Variants in TJP3 observed in about 807,000 individuals in gnomAD.
TJP3 encodes tight junction protein ZO-3.
In TJP3, 85 loss-of-function variants were observed where a neutral mutation model predicts 104.2. That is an observed-to-expected ratio of 0.82 (90% CI 0.68 to 0.98). The LOEUF is 0.98. Ranked by LOEUF, TJP3 falls within the 50% of genes least tolerant of loss-of-function variation. TJP3 has a pLI of 0.00. For missense variants in TJP3, 1,367 were observed against 1,322.8 expected (o/e 1.03, Z -0.52); for synonymous variants, 550 against 550.6 (o/e 1.00, Z 0.02).
chr19:3,744,810 C>G (rs2036865318), intron 15 of TJP3, among the ~76,000 whole-genome samples: 1 of 151,948 alleles, frequency 6.6e-6, no homozygotes, highest in African/African-American at 2.4e-5. Flanking sequence ...TGCCTGTAAT[C>G]CCAGCTACTC....
intron 8 of TJP3, 152 bp from the exon 9 acceptor site, chr19:3,735,414 G>T (rs1161879672): frequency 1.4e-6 from 1 of 738,142 alleles, no homozygotes; most frequent in Admixed American, 2.1e-5. Context: ...GGCCAGGCTG[G>T]TCTTGAAATC....
rs561560715 is a variant in TJP3, at chr19:3,717,102, A to G, written c.-10+8541A>G. 4.1e-5 allele frequency among the ~76,000 whole-genome samples: 6 copies of G among 145,616 alleles called. No homozygotes were observed. The East Asian group carries it at 1.2e-3, about 29-fold the overall frequency. On this transcript the variant is annotated intron_variant, in intron 1 of 20. Transcript: ENST00000541714. ...TGCCTCAGCCTCTCTAGTAGCTGGG[A>G]TTACAGGCATGTGCCACCACACCCA...
Position 3,728,657 on chromosome 19 carries a change from T to C in TJP3, c.102T>C (p.Gly34=). Residue 34 remains glycine, a synonymous_variant, in exon 3 of 21, where the codon GGT becomes GGC. Coordinates refer to ENST00000541714, the MANE Select transcript of TJP3 (RefSeq NM_001267560.2). ...TCTCTGGAGGCCGAGACCGGCCCGG[T>C]GGATCCATGGTTGTATCTGACGTGG... ...IAISGGRDRP[G]GSMVVSDVVP... is the part of the protein sequence containing the mutation. 1.2e-6 allele frequency: 2 copies of C among 1,613,702 alleles called. No homozygotes were observed. The highest frequency in any genetic ancestry group is 1.7e-6 in the Non-Finnish European group (2 of 1,179,972).
At chr19:3,716,937 T>C (rs1459552645) in intron 1 of TJP3, among the ~76,000 whole-genome samples, 3 of 142,008 alleles carry the variant, frequency 2.1e-5, no homozygotes, top group Non-Finnish European at 4.7e-5. Flanking sequence ...TACCTGGGAT[T>C]ACAGGCGGGT....
chr19:3,729,125 C>T (rs542359091), intron 3 of TJP3, among the ~76,000 whole-genome samples: 7 of 152,114 alleles, frequency 4.6e-5, no homozygotes, highest in African/African-American at 1.2e-4. Context: ...ACACAGGGCT[C>T]GGACTTGGCA....
chr19:3,724,825 C>T (rs1404166698), intron 1 of TJP3, among the ~76,000 whole-genome samples: 1 of 152,082 alleles, frequency 6.6e-6, no homozygotes, highest in Non-Finnish European at 1.5e-5. Context: ...AGGCAGAATC[C>T]ACCGTGCCCG....
At chr19:3,738,117 C>A (rs1209978287) in intron 11 of TJP3, among the ~76,000 whole-genome samples, 1 of 152,180 alleles carries the variant, frequency 6.6e-6, no homozygotes, top group African/African-American at 2.4e-5. Flanking sequence ...TGTCATGACC[C>A]TGGTGGTAGG....
Position 3,730,726 on chromosome 19 carries a change from C to A in TJP3, c.613+20C>A. 2 of 1,598,272 alleles carry A rather than the reference C, an allele frequency of 1.3e-6. No individual in the cohort carries two copies. Among genetic ancestry groups the A allele is most frequent in the Non-Finnish European group, 1.7e-6 (2 of 1,178,322 alleles). ...GCGAAGGTCAGAAGAGGCGGGAGGT[C>A]GGACACGATCAGTACTGGACACAGG... On this transcript the variant is annotated intron_variant, in intron 5 of 20. Coordinates refer to ENST00000541714, the MANE Select transcript of TJP3 (RefSeq NM_001267560.2). The surrounding 1 kb of genome is among the most constrained non-coding windows in gnomAD (Gnocchi z 7.3).
At chr19:3,735,661 C>G in intron 9 of TJP3, 22 bp downstream of exon 9, 1 of 1,613,794 alleles carries the variant, frequency 6.2e-7, no homozygotes, top group African/African-American at 1.3e-5. Flanking sequence ...CTCTGAGCAC[C>G]CCTGTCCCTG....
At chr19:3,748,659 C>G (rs1019011006) in intron 19 of TJP3, among the ~76,000 whole-genome samples, 2 of 150,074 alleles carry the variant, frequency 1.3e-5, no homozygotes, top group African/African-American at 4.9e-5. Flanking sequence ...ACCTCCGCCT[C>G]CCAGGTTCAA....
chr19:3,710,657 G>C (rs936231579), intron 1 of TJP3, among the ~76,000 whole-genome samples: 4 of 152,272 alleles, frequency 2.6e-5, no homozygotes, highest in African/African-American at 9.6e-5. Context: ...TGAGGTTAGC[G>C]GAAGCCTAGG....
In TJP3 at chr19:3,730,802, T is replaced by A; in HGVS notation, c.613+96T>A. The A allele has an allele frequency of 5.2e-6, 7 of 1,338,248 alleles. No individual in the cohort carries two copies. The highest frequency in any genetic ancestry group is 1.5e-5 in the South Asian group (1 of 68,572). 82.9% of individuals were successfully genotyped at this position (1,338,248 alleles called of 1,614,324 possible). A position where few individuals can be genotyped will look rare whatever the true frequency, so the allele number is the denominator to read the frequency against. On this transcript the variant is annotated intron_variant, in intron 5 of 20. Transcript: ENST00000541714. This position sits in a 1 kb window ranked among gnomAD's most constrained non-coding sequence, Gnocchi z 7.3. The stretch of plus-strand genomic sequence containing the variant: ...TTCAAGTGATTCTCCTGCCTCAGCC[T>A]CCCTGGTGGCTGGGACTCCAGGCGC...
chr19:3,712,475 C>T (rs2036442455), intron 1 of TJP3, among the ~76,000 whole-genome samples: 2 of 152,130 alleles, frequency 1.3e-5, no homozygotes, highest in African/African-American at 2.4e-5. Flanking sequence ...CCAGGGGATC[C>T]TTAGTGGCAG....
rs1011440792 is a variant in TJP3, at chr19:3,738,541, T to C, written c.1285-14T>C. 2 of 1,610,402 alleles carry C rather than the reference T, an allele frequency of 1.2e-6. No individual in the cohort carries two copies. Among genetic ancestry groups the C allele is most frequent in the African/African-American group, 2.7e-5 (2 of 74,854 alleles). On this transcript the variant is annotated splice_polypyrimidine_tract_variant and intron_variant, in intron 11 of 20. Coordinates refer to ENST00000541714, the MANE Select transcript of TJP3 (RefSeq NM_001267560.2). ...ACCAGAGCTTTTTCTATAGCTGCAC[T>C]TGCTTTCTGGCAGGTGAATGACGTG...
chr19:3,748,865 T>C (rs2145709194), intron 19 of TJP3, among the ~76,000 whole-genome samples: 1 of 128,998 alleles, frequency 7.8e-6, no homozygotes, highest in South Asian at 2.7e-4. Context: ...TTTTTTTTTT[T>C]TTTTTTTTTT....
intron 1 of TJP3, among the ~76,000 whole-genome samples, chr19:3,713,525 C>A (rs1351898802): frequency 2.0e-5 from 3 of 152,152 alleles, no homozygotes; most frequent in Non-Finnish European, 4.4e-5. Flanking sequence ...GGCCCTGGGG[C>A]GGCAAAGGGC....
chr19:3,721,727 G>A (rs1281713920), intron 1 of TJP3: 12 of 380,298 alleles, frequency 3.2e-5, no homozygotes, highest in Non-Finnish European at 4.6e-5. Flanking sequence ...GGAGGAAGAG[G>A]GGCAGGTGCA....
chr19:3,709,654 C>T lies in TJP3; in HGVS notation c.-10+1093C>T, dbSNP rs539847783. On this transcript the variant is annotated intron_variant, in intron 1 of 20. Coordinates refer to ENST00000541714, the MANE Select transcript of TJP3 (RefSeq NM_001267560.2). ...GATGATCGCATAGTGGGGGACAGAG[C>T]GGCCCGGCATTTGGGGTCACCTTGT... Among the ~76,000 whole-genome samples, 91 of 152,268 alleles carry T rather than the reference C, an allele frequency of 6.0e-4. 4 individuals carry two copies. The highest frequency in any genetic ancestry group is 7.9e-4 in the Admixed American group (12 of 15,284).
At position 3,738,630 on chromosome 19, in the gene TJP3, G is replaced by A. The variant is rs1271128246; in HGVS notation, c.1360G>A (p.Glu454Lys). 6.2e-7 allele frequency: 1 copy of A among 1,613,920 alleles called. No individual in the cohort carries two copies. Among genetic ancestry groups the A allele is most frequent in the East Asian group, 2.2e-5 (1 of 44,880 alleles). Reference sequence around the variant, plus strand: ...CCTGCTGGGGCTGCCACCAGGCGAGGAGATGGAGCTGGTGACGCAGAGGAA... The same window carrying A: ...CCTGCTGGGGCTGCCACCAGGCGAGAAGATGGAGCTGGTGACGCAGAGGAA... The part of the protein sequence containing the change: ...QFLLGLPPGE[E>K]MELVTQRKQD... The change falls in exon 12 of 21, where the codon GAG becomes AAG. Residue 454 changes from glutamate to lysine, a missense_variant. Physicochemically the swap from Glu to Lys is moderately conservative, Grantham distance 56. Transcript: ENST00000541714.
Sources: gnomAD v4.1 joint callset for allele counts (sites outside exome capture counted in the v4.1 genomes callset) on GRCh38, gnomAD v4.1.1 for gene constraint, Gnocchi (gnomAD v3.1) non-coding constraint, MANE v1.5 for transcripts, NCBI Gene and HGNC (gene_info 2026-07-23, HGNC 2026-07-21) for gene names.